Variants in EPHA3 observed in about 807,000 individuals in gnomAD.
EPHA3 encodes the protein EPH receptor A3, also known as ephrin type-A receptor 3.
A neutral mutation model predicts 107.1 loss-of-function variants in EPHA3; 42 were observed. That is an observed-to-expected ratio of 0.39 (90% CI 0.31 to 0.51). The LOEUF is 0.51. EPHA3 is among the 20% of genes least tolerant of loss of function. The probability of loss-of-function intolerance (pLI) is 0.78; values close to 1 mark genes in which losing one functional copy is unlikely to be tolerated. For missense variants in EPHA3, 1,183 were observed against 1,211.2 expected (o/e 0.98, Z 0.35); for synonymous variants, 461 against 424.8 (o/e 1.09, Z -1.05).
chr3:89,152,301 T>C lies in EPHA3; in HGVS notation c.153+25028T>C, dbSNP rs539088488. 1.4e-3 allele frequency among the ~76,000 whole-genome samples: 213 copies of C among 152,180 alleles called. 2 individuals carry two copies. The highest frequency in any genetic ancestry group is 4.8e-3 in the African/African-American group (200 of 41,550). On this transcript the variant is annotated intron_variant, in intron 2 of 16. Transcript: ENST00000336596. ...ATTAGAATTAACATAATACTCTCAG[T>C]TGTGTTCTGGTAAACCTAAAACGAC...
At chr3:89,145,000 G>A (rs1001247184) in intron 2 of EPHA3, among the ~76,000 whole-genome samples, 5 of 151,632 alleles carry the variant, frequency 3.3e-5, no homozygotes, top group African/African-American at 9.7e-5. Context: ...GGATTTGATC[G>A]ATGATTTAAC....
Position 89,407,321 on chromosome 3 carries a change from G to A in EPHA3, c.1647G>A (p.Ala549=), listed in dbSNP as rs557055559. 33 of 1,613,508 alleles carry A rather than the reference G, an allele frequency of 2.0e-5. No individual in the cohort carries two copies. The highest frequency in any genetic ancestry group is 6.7e-5 in the East Asian group (3 of 44,840). ...AAGTGGTCATGATCGCCATTTCAGCGGCAGTAGCAATTATTCTCCTCACTG... is the reference window on the plus strand; with the variant it reads ...AAGTGGTCATGATCGCCATTTCAGCAGCAGTAGCAATTATTCTCCTCACTG... ...SSQVVMIAIS[A]AVAIILLTVV... Residue 549 remains alanine (A), a synonymous_variant, in exon 8 of 17, where the codon GCG becomes GCA. Transcript: ENST00000336596.
chr3:89,400,926 G>C (rs1211211474), intron 7 of EPHA3, among the ~76,000 whole-genome samples: 2 of 152,120 alleles, frequency 1.3e-5, no homozygotes, highest in African/African-American at 4.8e-5. Flanking sequence ...ACCCAGGAAA[G>C]GTCTGACAAT....
intron 2 of EPHA3, among the ~76,000 whole-genome samples, chr3:89,187,083 A>G (rs747700254): frequency 2.0e-4 from 30 of 151,820 alleles, no homozygotes; most frequent in Non-Finnish European, 4.0e-4. Flanking sequence ...CTTTATATGT[A>G]GAATTTACTC....
intron 3 of EPHA3, among the ~76,000 whole-genome samples, chr3:89,275,928 A>G (rs1307063107): frequency 6.6e-6 from 1 of 152,024 alleles, no homozygotes; most frequent in African/African-American, 2.4e-5. Flanking sequence ...TATAAACCAT[A>G]TTTTTCATAA....
At chr3:89,420,903 C>T (rs759442994) in intron 11 of EPHA3, among the ~76,000 whole-genome samples, 15 of 151,394 alleles carry the variant, frequency 9.9e-5, no homozygotes, top group Non-Finnish European at 1.6e-4. Flanking sequence ...TATACTATGA[C>T]ATTATTTCAT....
intron 3 of EPHA3, among the ~76,000 whole-genome samples, chr3:89,267,893 A>T (rs1705575429): frequency 6.6e-6 from 1 of 152,174 alleles, no homozygotes; most frequent in South Asian, 2.1e-4. Flanking sequence ...AACTGACAGG[A>T]TAACATTTTA....
chr3:89,383,004 T>C (rs978432016), intron 5 of EPHA3, among the ~76,000 whole-genome samples: 1 of 152,236 alleles, frequency 6.6e-6, no homozygotes, highest in Non-Finnish European at 1.5e-5. Context: ...TACTGATATC[T>C]ACTAATATAA....
At chr3:89,236,149 G>A (rs1339709631) in intron 3 of EPHA3, among the ~76,000 whole-genome samples, 1 of 151,946 alleles carries the variant, frequency 6.6e-6, no homozygotes, top group African/African-American at 2.4e-5. Flanking sequence ...TAAATTGTAG[G>A]AATATAAATG....
chr3:89,120,418 A>C lies in EPHA3; in HGVS notation c.89-6791A>C, dbSNP rs1707351858. ...TTTAAGTCAGGCTGTTAGTGCACTA[A>C]AAATTCACTGGCAGTAGAGCATCAC... On this transcript the variant is annotated intron_variant, in intron 1 of 16. Transcript: ENST00000336596. Among the ~76,000 whole-genome samples the C allele has an allele frequency of 2.0e-5, 3 of 152,222 alleles. No individual in the cohort carries two copies. In the South Asian group the frequency reaches 6.2e-4, roughly 32 times the overall value.
chr3:89,467,256 TCAAA>T (rs1576393388), intron 15 of EPHA3, among the ~76,000 whole-genome samples: 1 of 152,160 alleles, frequency 6.6e-6, no homozygotes, highest in Non-Finnish European at 1.5e-5. Context: ...ATTACTATTC[TCAAA>T]CAATAATAAA....
chr3:89,165,933 G>A (rs1334338826), intron 2 of EPHA3, among the ~76,000 whole-genome samples: 2 of 152,100 alleles, frequency 1.3e-5, no homozygotes, highest in African/African-American at 2.4e-5. Context: ...TTCAAGCGCC[G>A]TTCACCCTAT....
chr3:89,375,072 T>C (rs1305562807), intron 5 of EPHA3, among the ~76,000 whole-genome samples: 1 of 151,788 alleles, frequency 6.6e-6, no homozygotes, highest in Non-Finnish European at 1.5e-5. Context: ...TATTTGTGTA[T>C]GTGTGTGTGT....
chr3:89,247,485 T>A (rs1705063389), intron 3 of EPHA3, among the ~76,000 whole-genome samples: 1 of 152,186 alleles, frequency 6.6e-6, no homozygotes, highest in African/African-American at 2.4e-5. Context: ...GAGCTTTAAC[T>A]TTATTTATGT....
In EPHA3 at chr3:89,141,901, G is replaced by T. The variant is rs1214568689; in HGVS notation, c.153+14628G>T. The stretch of plus-strand genomic sequence containing the variant: ...CTATATTATAAATAATTTCTAAATT[G>T]CTGGAAATTTAGAAGATAGGAAATT... On this transcript the variant is annotated intron_variant, in intron 2 of 16. Transcript: ENST00000336596. Among the ~76,000 whole-genome samples, 14 of 151,084 alleles carry T rather than the reference G, an allele frequency of 9.3e-5. No homozygotes were observed. In the Admixed American group the frequency reaches 9.3e-4, roughly 10 times the overall value.
chr3:89,224,988 TTAAA>T (rs1704469690), intron 3 of EPHA3, among the ~76,000 whole-genome samples: 1 of 152,106 alleles, frequency 6.6e-6, no homozygotes, highest in African/African-American at 2.4e-5. Context: ...GCTTTCCAGT[TTAAA>T]TAAAAATTTA....
chr3:89,238,719 A>G (rs2107239453), intron 3 of EPHA3, among the ~76,000 whole-genome samples: 1 of 152,280 alleles, frequency 6.6e-6, no homozygotes, highest in East Asian at 1.9e-4. Flanking sequence ...AATTGATCTT[A>G]TTTTCTTTAG....
intron 3 of EPHA3, among the ~76,000 whole-genome samples, chr3:89,312,501 C>T (rs1213123172): frequency 1.3e-5 from 2 of 150,634 alleles, no homozygotes; most frequent in East Asian, 1.9e-4. Flanking sequence ...CAGTTTTTTC[C>T]GTTTTTAGCT....
intron 3 of EPHA3, among the ~76,000 whole-genome samples, chr3:89,290,486 A>G (rs1186329370): frequency 6.6e-6 from 1 of 152,188 alleles, no homozygotes; most frequent in Non-Finnish European, 1.5e-5. Context: ...CTTGAAAACA[A>G]TACAATAGTA....
Sources: allele counts gnomAD v4.1 joint callset (sites outside exome capture counted in the v4.1 genomes callset), GRCh38; gene constraint gnomAD v4.1.1; transcripts MANE v1.5; gene names NCBI Gene and HGNC (gene_info 2026-07-23, HGNC 2026-07-21).